Variants in SYN2 observed in about 807,000 individuals in gnomAD.
The protein encoded by SYN2 is synapsin-2.
SYN2 carries 19 observed loss-of-function variants against 50.9 expected under a neutral mutation model. That is an observed-to-expected ratio of 0.37 (90% CI 0.26 to 0.55). The LOEUF is 0.55. SYN2 is among the 20% of genes least tolerant of loss of function. The pLI, the probability that SYN2 is intolerant of heterozygous loss-of-function variation, is 0.81. For missense variants in SYN2, 587 were observed against 576.4 expected (o/e 1.02, Z -0.19); for synonymous variants, 255 against 224.9 (o/e 1.13, Z -1.20).
intron 1 of SYN2, among the ~76,000 whole-genome samples, chr3:12,122,478 A>C (rs1362746281): frequency 6.6e-6 from 1 of 152,184 alleles, no homozygotes; most frequent in Non-Finnish European, 1.5e-5. Context: ...CCAACACAGC[A>C]AAAGGAGATG....
intron 10 of SYN2, among the ~76,000 whole-genome samples, chr3:12,172,348 C>G (rs1422435172): frequency 6.6e-6 from 1 of 152,230 alleles, no homozygotes; most frequent in Non-Finnish European, 1.5e-5. Flanking sequence ...CTCCTAACAT[C>G]ACCTGAAAGT....
At chr3:12,128,780 G>GT (rs565641343) in intron 1 of SYN2, among the ~76,000 whole-genome samples, 144 of 152,056 alleles carry the variant, frequency 9.5e-4, no homozygotes, top group African/African-American at 3.4e-3. Context: ...ACGCAGGAAA[G>GT]TTTTTTTTAA....
intron 1 of SYN2, among the ~76,000 whole-genome samples, chr3:12,082,405 T>C (rs555307828): frequency 2.6e-5 from 4 of 152,326 alleles, no homozygotes; most frequent in South Asian, 2.1e-4. Context: ...ACCACTCTTA[T>C]GAGTCCTGAG....
chr3:12,071,341 T>C (rs1695350226), intron 1 of SYN2: 2 of 570,636 alleles, frequency 3.5e-6, no homozygotes, highest in Admixed American at 3.8e-5. Flanking sequence ...GGCCCCTCCA[T>C]CGTCCACCGC....
At chr3:12,089,751 A>AG (rs1166827755) in intron 1 of SYN2, among the ~76,000 whole-genome samples, 2 of 152,156 alleles carry the variant, frequency 1.3e-5, no homozygotes, top group African/African-American at 4.8e-5. Context: ...GGCATTGTCT[A>AG]GGGGGAGTCA....
chr3:12,059,328 A>G lies in SYN2; in HGVS notation c.377+54400A>G, dbSNP rs141434738. Among the ~76,000 whole-genome samples, 58 of 152,312 alleles carry G rather than the reference A, an allele frequency of 3.8e-4. No homozygotes were observed. The East Asian group carries it at 0.011, about 28-fold the overall frequency. ...AAAAGGGTGGGACATCTTGAAGCAGACGGGATAAGTGGGTGGTGGGCCCAC... is the reference window on the plus strand; with the variant it reads ...AAAAGGGTGGGACATCTTGAAGCAGGCGGGATAAGTGGGTGGTGGGCCCAC... On this transcript the variant is annotated intron_variant, in intron 1 of 12. Transcript: ENST00000621198.
rs115678856 is a variant in SYN2, at chr3:12,047,412, G to A, written c.377+42484G>A. On this transcript the variant is annotated intron_variant, in intron 1 of 12. Transcript: ENST00000621198. ...CTGAGAAGAAGGAAGGATGATGGAA[G>A]GGGTACTATTTGAAGGAAATGAATA... 4.8e-3 allele frequency among the ~76,000 whole-genome samples: 733 copies of A among 152,258 alleles called. 5 individuals are homozygous for A. The highest frequency in any genetic ancestry group is 0.017 in the African/African-American group (695 of 41,552).
chr3:12,009,567 C>T (rs541333773), intron 1 of SYN2, among the ~76,000 whole-genome samples: 1 of 152,208 alleles, frequency 6.6e-6, no homozygotes, highest in Non-Finnish European at 1.5e-5. Context: ...AAACTCACAT[C>T]TGACTCCATT....
At chr3:12,038,063 C>A (rs1000081820) in intron 1 of SYN2, among the ~76,000 whole-genome samples, 13 of 152,066 alleles carry the variant, frequency 8.5e-5, no homozygotes, top group Middle Eastern at 3.2e-3. Flanking sequence ...TCTTTGAATC[C>A]ATTTTGCCTT....
intron 3 of SYN2, among the ~76,000 whole-genome samples, chr3:12,145,012 C>T (rs571697222): frequency 6.6e-5 from 10 of 152,140 alleles, no homozygotes; most frequent in Non-Finnish European, 8.8e-5. Flanking sequence ...GCCTGGGCAA[C>T]GGAGCAAGAC....
chr3:12,100,466 A>G (rs1309475904), intron 1 of SYN2, among the ~76,000 whole-genome samples: 1 of 152,204 alleles, frequency 6.6e-6, no homozygotes, highest in African/African-American at 2.4e-5. Context: ...ATCTCATACT[A>G]TATACAAAAA....
chr3:12,073,416 G>C (rs1224111566), intron 1 of SYN2, among the ~76,000 whole-genome samples: 1 of 152,098 alleles, frequency 6.6e-6, no homozygotes, highest in Non-Finnish European at 1.5e-5. Context: ...GTATAAACCA[G>C]GCTGCTTTTT....
chr3:12,181,736 T>C (rs189226727), intron 10 of SYN2, among the ~76,000 whole-genome samples: 7 of 152,090 alleles, frequency 4.6e-5, no homozygotes, highest in Non-Finnish European at 8.8e-5. Flanking sequence ...ATGAAAGAAT[T>C]AGGAGACTAT....
At chr3:12,158,897 A>C in intron 5 of SYN2, 2 of 1,465,152 alleles carry the variant, frequency 1.4e-6, no homozygotes, top group Non-Finnish European at 1.8e-6. Context: ...CGGCCCCAGC[A>C]GGGCTCCTTC....
chr3:12,084,491 A>T (rs1006272667), intron 1 of SYN2, among the ~76,000 whole-genome samples: 9 of 152,184 alleles, frequency 5.9e-5, no homozygotes, highest in Non-Finnish European at 1.3e-4. Context: ...GAGGGAATTT[A>T]TCACCACTAG....
chr3:12,165,570 T>C (rs1407584829), intron 7 of SYN2: 1 of 152,136 alleles, frequency 6.6e-6, no homozygotes, highest in East Asian at 1.9e-4. Context: ...ACAGACAGAA[T>C]TGTAAAATGA....
chr3:12,188,931 A>C (rs1453663623), intron 12 of SYN2, among the ~76,000 whole-genome samples: 1 of 152,204 alleles, frequency 6.6e-6, no homozygotes, highest in African/African-American at 2.4e-5. Flanking sequence ...GCTGTTGAAT[A>C]GAGCCAACCT....
In SYN2 at chr3:12,191,929, T is replaced by A. The variant is rs1314700701; in HGVS notation, c.*1304T>A. Among the ~76,000 whole-genome samples, 1 of 152,122 alleles carries A rather than the reference T, an allele frequency of 6.6e-6. No individual in the cohort carries two copies. The highest frequency in any genetic ancestry group is 1.5e-5 in the Non-Finnish European group (1 of 68,016). Reference sequence around the variant, plus strand: ...TCTGAGGGATTTCACTCTGGCTGCTTCATGACTCCCTGATACTCAAGTATA... The same window carrying A: ...TCTGAGGGATTTCACTCTGGCTGCTACATGACTCCCTGATACTCAAGTATA... On this transcript the variant is annotated 3_prime_UTR_variant, in exon 13 of 13. Transcript: ENST00000621198.
At chr3:12,145,624 G>A (rs1474261705) in intron 3 of SYN2, 55 bp from the exon 4 acceptor site, 26 of 1,583,948 alleles carry the variant, frequency 1.6e-5, no homozygotes, top group Non-Finnish European at 2.2e-5. Flanking sequence ...GAACCAAAAT[G>A]ATGTATGGCC....
Sources: gnomAD v4.1 joint callset for allele counts (sites outside exome capture counted in the v4.1 genomes callset) on GRCh38, gnomAD v4.1.1 for gene constraint, MANE v1.5 for transcripts, NCBI Gene and HGNC (gene_info 2026-07-23, HGNC 2026-07-21) for gene names.